S100A8: variants seen among roughly 807,000 people sequenced by gnomAD.
S100A8 encodes S100 calcium binding protein A8.
Under a neutral mutation model 4.2 loss-of-function variants are expected in S100A8, and 1 was observed. That is an observed-to-expected ratio of 0.24 (90% CI 0.08 to 1.12). The LOEUF is 1.12. S100A8 is among the 50% of genes most tolerant of loss of function. The pLI is 0.53. For synonymous variants in S100A8, 41 were observed against 44.7 expected (o/e 0.92, Z 0.33); for missense variants, 96 against 111.8 (o/e 0.86, Z 0.64).
At chr1:153,401,411 C>T in the S100A8 span, among the ~76,000 whole-genome samples, 5 of 152,264 alleles carry the variant, frequency 3.3e-5, no homozygotes, top group Middle Eastern at 3.4e-3. Flanking sequence ...TGGAGACAGA[C>T]ATTTGGCCAA....
At chr1:153,415,720 G>A in the S100A8 span, among the ~76,000 whole-genome samples, 3 of 113,708 alleles carry the variant, frequency 2.6e-5, no homozygotes, top group South Asian at 2.6e-4. Context: ...GGGCGGGGGG[G>A]GCGGGGGTCA....
chr1:153,407,516 G>C, the S100A8 span, among the ~76,000 whole-genome samples: 10 of 152,242 alleles, frequency 6.6e-5, no homozygotes, highest in Non-Finnish European at 1.3e-4. Flanking sequence ...AGGTCTGCCT[G>C]CCTCGGTAGA....
At chr1:153,390,994 C>G in intron 1 of S100A8, 47 bp downstream of exon 1, 2 of 990,292 alleles carry the variant, frequency 2.0e-6, no homozygotes, top group Non-Finnish European at 2.4e-6. Context: ...CTGACCCTCC[C>G]CAAGAGAAGC....
the S100A8 span, among the ~76,000 whole-genome samples, chr1:153,402,436 T>G: frequency 1.3e-5 from 2 of 151,574 alleles, no homozygotes; most frequent in Admixed American, 6.6e-5. Flanking sequence ...GGCCCCATGG[T>G]TAGAGGAAAG....
the S100A8 span, chr1:153,419,048 A>G: frequency 7.7e-7 from 1 of 1,300,628 alleles, no homozygotes; most frequent in Non-Finnish European, 1.1e-6. Flanking sequence ...GTGCAGATCT[A>G]GGTACTTGTC....
At chr1:153,413,722 G>A in the S100A8 span, among the ~76,000 whole-genome samples, 3 of 152,126 alleles carry the variant, frequency 2.0e-5, no homozygotes, top group Admixed American at 1.3e-4. Context: ...CCAACATGAT[G>A]AAACCCCATT....
At chr1:153,409,253 C>G in the S100A8 span, among the ~76,000 whole-genome samples, 1 of 152,064 alleles carries the variant, frequency 6.6e-6, no homozygotes, top group African/African-American at 2.4e-5. Flanking sequence ...GAGAGATACA[C>G]ATAGGCTCAA....
chr1:153,392,305 A>T (rs774560435), upstream of S100A8, among the ~76,000 whole-genome samples: 1 of 152,216 alleles, frequency 6.6e-6, no homozygotes, highest in Admixed American at 6.5e-5. Flanking sequence ...ACCTACAAGG[A>T]TGACTACTAC....
At chr1:153,421,711 T>G in the S100A8 span, 9 of 152,230 alleles carry the variant, frequency 5.9e-5, no homozygotes, top group African/African-American at 2.2e-4. Flanking sequence ...AGGGTCTCCC[T>G]GGGGTGGGGT....
the S100A8 span, among the ~76,000 whole-genome samples, chr1:153,407,843 A>G: frequency 2.6e-5 from 4 of 152,336 alleles, no homozygotes; most frequent in East Asian, 7.7e-4. Context: ...CGCTGGTGAC[A>G]CCCAGGCAAA....
the S100A8 span, among the ~76,000 whole-genome samples, chr1:153,418,649 G>A: frequency 2.0e-5 from 3 of 152,122 alleles, no homozygotes; most frequent in Non-Finnish European, 4.4e-5. Flanking sequence ...AAAACTCATT[G>A]GCAAATCTGA....
chr1:153,409,913 G>A, the S100A8 span, among the ~76,000 whole-genome samples: 14 of 152,318 alleles, frequency 9.2e-5, no homozygotes, highest in Admixed American at 8.5e-4. Context: ...CAGAAATAAA[G>A]ATGCTCTTTG....
chr1:153,390,816 T>C lies in S100A8; in HGVS notation c.-23+225A>G, dbSNP rs530271946. 4.2e-5 allele frequency: 22 copies of C among 522,994 alleles called. No individual in the cohort carries two copies. The East Asian group carries it at 6.7e-4, about 16-fold the overall frequency. 32.4% of individuals were successfully genotyped at this position (522,994 alleles called of 1,614,324 possible). A position where few individuals can be genotyped will look rare whatever the true frequency, so the allele number is the denominator to read the frequency against. ...AGACTTTCCTTACCACCCCACCCTC[T>C]GCTCAAGAAAAGTCCAGCCTAGGAG... On this transcript the variant is annotated intron_variant, in intron 1 of 2. Transcript: ENST00000368733.
the S100A8 span, among the ~76,000 whole-genome samples, chr1:153,415,683 A>G: frequency 2.0e-5 from 2 of 100,348 alleles, no homozygotes; most frequent in African/African-American, 7.7e-5. Context: ...AACTTTTCCC[A>G]CTCCCTACCT....
chr1:153,416,093 C>T, the S100A8 span, among the ~76,000 whole-genome samples: 2 of 152,164 alleles, frequency 1.3e-5, no homozygotes, highest in African/African-American at 2.4e-5. Context: ...GATGTCTAGA[C>T]ATTAAAACGC....
At chr1:153,404,497 T>C in the S100A8 span, among the ~76,000 whole-genome samples, 4 of 152,228 alleles carry the variant, frequency 2.6e-5, no homozygotes, top group Admixed American at 6.5e-5. Context: ...CTCTCCCCTG[T>C]CATTCAGGAG....
At chr1:153,395,548 C>G (rs1662194774), upstream of S100A8, among the ~76,000 whole-genome samples, 1 of 152,170 alleles carries the variant, frequency 6.6e-6, no homozygotes, top group Non-Finnish European at 1.5e-5. Context: ...CTCCTCGTCA[C>G]AGCCTCTAGC....
intron 1 of S100A8, 88 bp from the exon 2 acceptor site, chr1:153,390,645 T>C: frequency 1.3e-6 from 2 of 1,522,044 alleles, no homozygotes; most frequent in Non-Finnish European, 1.8e-6. Context: ...CCCCAAGCGA[T>C]GGCCTTGTCC....
the S100A8 span, among the ~76,000 whole-genome samples, chr1:153,409,324 A>C: frequency 6.6e-6 from 1 of 152,216 alleles, no homozygotes; most frequent in Non-Finnish European, 1.5e-5. Flanking sequence ...CAGTGCTTGC[A>C]ATCCTAGTCT....
Sources: allele counts gnomAD v4.1 joint callset (sites outside exome capture counted in the v4.1 genomes callset), GRCh38; gene constraint gnomAD v4.1.1; transcripts MANE v1.5; gene names NCBI Gene and HGNC (gene_info 2026-07-23, HGNC 2026-07-21).